FBRS: variants seen among roughly 807,000 people sequenced by gnomAD.
FBRS encodes the protein fibrosin.
Under a neutral mutation model 86.1 loss-of-function variants are expected in FBRS, and 15 were observed. The ratio of observed to expected loss-of-function variants is 0.17; its 90% CI spans 0.12 to 0.27. The LOEUF (loss-of-function observed/expected upper bound fraction) is 0.27, where lower values mean the gene tolerates loss of function less well. Among genes scored for constraint, FBRS ranks in the 10% least tolerant of loss-of-function variants. FBRS has a pLI of 1.00. For synonymous variants in FBRS, 666 were observed against 575.8 expected, an observed-to-expected ratio of 1.16 and a Z score of -2.24; for missense variants, 1,367 against 1,301.6, an observed-to-expected ratio of 1.05 and a Z score of -0.77.
At chr16:30,664,076 G>T (rs542829115) in intron 6 of FBRS, 139 bp from the exon 7 acceptor site, 1 of 1,064,504 alleles carries the variant, frequency 9.4e-7, no homozygotes. Flanking sequence ...TTCCCTCGGT[G>T]GGGGGCGGTC....
intron 11 of FBRS, 25 bp from the exon 12 acceptor site, chr16:30,666,487 C>T (rs1246142927): frequency 6.2e-7 from 1 of 1,613,992 alleles, no homozygotes; most frequent in Non-Finnish European, 8.5e-7. Context: ...TGAGTCGCCT[C>T]CCATCTCTCC....
intron 6 of FBRS, among the ~76,000 whole-genome samples, chr16:30,663,370 C>A (rs2052483382): frequency 6.6e-6 from 1 of 152,104 alleles, no homozygotes; most frequent in African/African-American, 2.4e-5. Context: ...GTACATTCAG[C>A]GTCAGTGATA....
rs1323682828 is a variant in FBRS at position 30,661,189 on chromosome 16, C to G, written c.649C>G (p.Arg217Gly). ...NKRRRKEASS[R>G]HSLEAGYICD... ...CTCTGGTCTTCCTCAGGCGTCCTCC[C>G]GTCACTCTCTGGAAGCTGGATACAT... The change falls in exon 3 of 18, where the codon CGT becomes GGT. Residue 217 changes from arginine to glycine, a missense_variant. Transcript: ENST00000356166. The G allele has an allele frequency of 5.8e-6, 9 of 1,550,594 alleles. No individual in the cohort carries two copies. Among genetic ancestry groups the G allele is most frequent in the South Asian group, 3.6e-5 (3 of 84,066 alleles).
rs1043956940 is a variant in FBRS, at chr16:30,664,721, A to G, written c.1364A>G (p.Asp455Gly). Residue 455 changes from aspartate (D) to glycine (G), a missense_variant, in exon 8 of 18, where the codon GAC becomes GGC. Physicochemically the swap from Asp to Gly is moderately conservative, Grantham distance 94. This residue lies in a region of FBRS where 702 missense variants were observed against 598.7 expected (regional missense o/e 1.17). Coordinates refer to ENST00000356166, the MANE Select transcript of FBRS (RefSeq NM_001105079.3). ...CTCCCGTCCCCTCCCACAGAGCAGG[A>G]CCTGATCGGCCAGGACCTGAACTCT... ...ASAANALSEQ[D>G]LIGQDLNSRY... The G allele has an allele frequency of 6.5e-7, 1 of 1,537,134 alleles. No homozygotes were observed. Among genetic ancestry groups the G allele is most frequent in the African/African-American group, 1.4e-5 (1 of 72,936 alleles).
At position 30,661,226 on chromosome 16, in the gene FBRS, T is replaced by C. The variant is rs1457394271; in HGVS notation, c.675+11T>C. The stretch of plus-strand genomic sequence containing the variant: ...GAAGCTGGATACATAGTAAGTGCTA[T>C]CCACCTGTCCTGGCCCCTCCCTGCT... On this transcript the variant is annotated intron_variant, in intron 3 of 17. Coordinates refer to ENST00000356166, the MANE Select transcript of FBRS (RefSeq NM_001105079.3). 3 of 1,550,676 alleles carry C rather than the reference T, an allele frequency of 1.9e-6. No homozygotes were observed. The highest frequency in any genetic ancestry group is 1.7e-6 in the Non-Finnish European group (2 of 1,147,040).
rs1174295642 is a variant in FBRS at position 30,660,039 on chromosome 16, T to G, written c.459+62T>G. 4 of 1,518,140 alleles carry G rather than the reference T, an allele frequency of 2.6e-6. No homozygotes were observed. In the Admixed American group the frequency reaches 6.5e-5, roughly 25 times the overall value. 94.0% of individuals were successfully genotyped at this position (1,518,140 alleles called of 1,614,324 possible). A position where few individuals can be genotyped will look rare whatever the true frequency, so the allele number is the denominator to read the frequency against. ...CCGAGGGGCAGCAAGGAGGGGGCAG[T>G]GCCCCTAGTGGGTGGAGTTGAGGGG... On this transcript the variant is annotated intron_variant, in intron 1 of 17. Coordinates refer to ENST00000356166, the MANE Select transcript of FBRS (RefSeq NM_001105079.3).
intron 7 of FBRS, 52 bp from the exon 8 acceptor site, chr16:30,664,663 A>T (rs1429890934): frequency 6.8e-7 from 1 of 1,461,274 alleles, no homozygotes; most frequent in Non-Finnish European, 9.1e-7. Context: ...CCTGGGCCCA[A>T]GGAGGCTGAT....
At chr16:30,666,032 C>A in intron 11 of FBRS, 1 of 410,254 alleles carries the variant, frequency 2.4e-6, no homozygotes, top group Non-Finnish European at 4.4e-6. Context: ...GATAAGCTGC[C>A]CCTTGGTGAA....
intron 4 of FBRS, chr16:30,662,059 G>C (rs2052469172): frequency 4.1e-6 from 1 of 244,996 alleles, no homozygotes; most frequent in Admixed American, 5.3e-5. Context: ...AATATCTGCA[G>C]TTGGTTTAAA....
rs1327948554 is a variant in FBRS at position 30,659,901 on chromosome 16, A to T, written c.383A>T (p.Glu128Val). 3 of 1,550,798 alleles carry T rather than the reference A, an allele frequency of 1.9e-6. No individual in the cohort carries two copies. In the African/African-American group the frequency reaches 4.1e-5, roughly 21 times the overall value. The change falls in exon 1 of 18, where the codon GAG becomes GTG. Residue 128 changes from glutamate (E) to valine (V), a missense_variant. Glu to Val is a moderately radical substitution (Grantham distance 121). Around this residue, in one of 3 missense-constraint regions of FBRS, gnomAD observed 702 missense variants for 598.7 expected, o/e 1.17. Transcript: ENST00000356166. ...GACGGCGAAGCCGAGGAGGAGCCTG[A>T]GGAGGAGGAAGAGGAGGAGGAGGAC... Reference protein sequence around the residue: ...ADDGEAEEEPEEEEEEEEDLI... With the variant: ...ADDGEAEEEPVEEEEEEEDLI...
chr16:30,669,145 C>G lies in FBRS; in HGVS notation c.2443C>G (p.Arg815Gly). The G allele has an allele frequency of 1.9e-6, 3 of 1,569,922 alleles. No individual in the cohort carries two copies. Among genetic ancestry groups the G allele is most frequent in the Non-Finnish European group, 2.6e-6 (3 of 1,158,500 alleles). The change falls in exon 18 of 18, where the codon CGG becomes GGG. Residue 815 changes from arginine (R) to glycine (G), a missense_variant. This residue lies in a region of FBRS where 659 missense variants were observed against 678.8 expected (regional missense o/e 0.97). Transcript: ENST00000356166. This position sits in a 1 kb window ranked among gnomAD's most constrained non-coding sequence, Gnocchi z 5.9. ...PKARAGEEGPRPTKESVRVKE... is the reference protein window; with the variant it reads ...PKARAGEEGPGPTKESVRVKE... ...GGCCCGGGCTGGTGAGGAGGGGCCT[C>G]GGCCAACCAAGGAATCTGTGCGGGT...
chr16:30,658,949 A>AG lies in FBRS; in HGVS notation c.-566dup, dbSNP rs1344175897. ...AAGAAGTCTTTTAAATTCAACTTAA[A>AG]GGGGAAGTGGCCGCTTGTGGAGGAC... is the stretch of plus-strand genomic sequence containing the variant. On this transcript the variant is annotated 5_prime_UTR_variant, in exon 1 of 18. Coordinates refer to ENST00000356166, the MANE Select transcript of FBRS (RefSeq NM_001105079.3). The AG allele has an allele frequency of 3.3e-5, 5 of 152,188 alleles. No homozygotes were observed. Among genetic ancestry groups the AG allele is most frequent in the Non-Finnish European group, 7.3e-5 (5 of 68,064 alleles). The allele number at this position is 152,188 out of a possible 1,614,324, so 9.4% of individuals were successfully genotyped here.
intron 1 of FBRS, 67 bp from the exon 2 acceptor site, chr16:30,660,196 G>C: frequency 7.1e-7 from 1 of 1,412,942 alleles, no homozygotes; most frequent in South Asian, 1.6e-5. Flanking sequence ...CGGCAACCTG[G>C]TCACCCCTAG....
chr16:30,668,977 C>G lies in FBRS; in HGVS notation c.2364C>G (p.Asp788Glu). Reference sequence around the variant, plus strand: ...CCTCCATCACCAAGGAGGAGAAGGACAGGTGTGCCTCCCACCCACCCTGCC... The same window carrying G: ...CCTCCATCACCAAGGAGGAGAAGGAGAGGTGTGCCTCCCACCCACCCTGCC... ...REPSITKEEK[D>E]RDLPFSRPQL... is the part of the protein sequence containing the mutation. Residue 788 changes from aspartate to glutamate, a missense_variant and splice_region_variant, in exon 17 of 18, where the codon GAC becomes GAG. Coordinates refer to ENST00000356166, the MANE Select transcript of FBRS (RefSeq NM_001105079.3). The G allele has an allele frequency of 6.4e-7, 1 of 1,573,214 alleles. No individual in the cohort carries two copies. Among genetic ancestry groups the G allele is most frequent in the Non-Finnish European group, 8.6e-7 (1 of 1,161,430 alleles).
In FBRS at chr16:30,665,694, G is replaced by A; in HGVS notation, c.1761G>A (p.Gln587=). ...GGCCGGTGCCGAGCGGGCTCTCCCA[G>A]AAGGGGACACAGGTGAGGGGGCCAG... ...RLGPVPSGLS[Q]KGTQIPDHFR... is the part of the protein sequence containing the mutation. The change falls in exon 11 of 18, where the codon CAG becomes CAA. Residue 587 remains glutamine (Q), a synonymous_variant. Coordinates refer to ENST00000356166, the MANE Select transcript of FBRS (RefSeq NM_001105079.3). The surrounding 1 kb of genome is among the most constrained non-coding windows in gnomAD (Gnocchi z 4.1). 1 of 1,584,472 alleles carries A rather than the reference G, an allele frequency of 6.3e-7. No homozygotes were observed. Among genetic ancestry groups the A allele is most frequent in the Non-Finnish European group, 8.6e-7 (1 of 1,165,474 alleles).
At chr16:30,663,826 C>T (rs2052488343) in intron 6 of FBRS, among the ~76,000 whole-genome samples, 1 of 152,318 alleles carries the variant, frequency 6.6e-6, no homozygotes, top group South Asian at 2.1e-4. Flanking sequence ...GCCTAGAATT[C>T]AGGTCTCCTG....
In FBRS at chr16:30,658,622, A is replaced by G. The variant is rs1455966465; in HGVS notation, c.-897A>G. ...CGGAGGAAAGGAGGAAGAGACTTTTATGTCGGCGGACAGGGGAGCTGTACC... is the reference window on the plus strand; with the variant it reads ...CGGAGGAAAGGAGGAAGAGACTTTTGTGTCGGCGGACAGGGGAGCTGTACC... On this transcript the variant is annotated 5_prime_UTR_variant, in exon 1 of 18. An upstream start codon of the reference 5' UTR is lost. Transcript: ENST00000356166. 6.6e-6 allele frequency: 1 copy of G among 152,338 alleles called. No homozygotes were observed. The highest frequency in any genetic ancestry group is 1.5e-5 in the Non-Finnish European group (1 of 68,094). The allele number at this position is 152,338 out of a possible 1,614,324, so 9.4% of individuals were successfully genotyped here.
In FBRS at chr16:30,664,398, G is replaced by GGCGCC; in HGVS notation, c.1239_1240insGCGCC (p.Pro414AlafsTer45). 2 of 1,376,498 alleles carry GGCGCC rather than the reference G, an allele frequency of 1.5e-6. No homozygotes were observed. The highest frequency in any genetic ancestry group is 9.7e-7 in the Non-Finnish European group (1 of 1,026,070). 85.3% of individuals were successfully genotyped at this position (1,376,498 alleles called of 1,614,324 possible). On this transcript the variant is annotated frameshift_variant, in exon 7 of 18. Coordinates refer to ENST00000356166, the MANE Select transcript of FBRS (RefSeq NM_001105079.3). LOFTEE classifies it high-confidence loss of function. ...ACAGCTTTCCCCCTCCCGGGCTGCG[G>GGCGCC]CCCCCCCCACCACCCCACCACCCCT...
In FBRS at chr16:30,670,213, C is replaced by T. The variant is rs1371706397; in HGVS notation, c.*568C>T. On this transcript the variant is annotated 3_prime_UTR_variant, in exon 18 of 18. Transcript: ENST00000356166. Reference sequence around the variant, plus strand: ...TGGTGCTGTGTTCCTAGCCTCTGGCCTCTCTGTGGGGAAAGGGGACTGCAG... The same window carrying T: ...TGGTGCTGTGTTCCTAGCCTCTGGCTTCTCTGTGGGGAAAGGGGACTGCAG... 8.7e-6 allele frequency: 4 copies of T among 457,918 alleles called. No homozygotes were observed. Among genetic ancestry groups the T allele is most frequent in the African/African-American group, 4.0e-5 (2 of 50,044 alleles). The allele number at this position is 457,918 out of a possible 1,614,324, so 28.4% of individuals were successfully genotyped here.
Sources: gnomAD v4.1 joint callset for allele counts (sites outside exome capture counted in the v4.1 genomes callset) on GRCh38, gnomAD v4.1.1 for gene constraint, gnomAD v4.1.1 regional missense constraint, Gnocchi (gnomAD v3.1) non-coding constraint, MANE v1.5 for transcripts, NCBI Gene and HGNC (gene_info 2026-07-23, HGNC 2026-07-21) for gene names.